LRRC4C: variants seen among roughly 807,000 people sequenced by gnomAD.
LRRC4C encodes the protein leucine-rich repeat-containing protein 4C.
In LRRC4C, 5 loss-of-function variants were observed where a neutral mutation model predicts 33.6. That is an observed-to-expected ratio of 0.15 (90% confidence interval 0.08 to 0.31). LRRC4C has a LOEUF of 0.31. Among genes scored for constraint, LRRC4C ranks in the 10% least tolerant of loss-of-function variants. The pLI is 1.00. For synonymous variants in LRRC4C, 329 were observed against 302.0 expected (o/e 1.09, Z -0.93); for missense variants, 560 against 796.7 (o/e 0.70, Z 3.58).
At chr11:40,776,769 C>A (rs1174102689) in intron 2 of LRRC4C, among the ~76,000 whole-genome samples, 1 of 151,894 alleles carries the variant, frequency 6.6e-6, no homozygotes, top group Non-Finnish European at 1.5e-5. Context: ...CTTTTCCTAG[C>A]TTTGGGGTTA....
intron 2 of LRRC4C, among the ~76,000 whole-genome samples, chr11:40,802,880 G>A (rs1256470955): frequency 6.6e-6 from 1 of 152,188 alleles, no homozygotes. Flanking sequence ...CATCACAGTG[G>A]TTGAAGAAAG....
At chr11:41,278,880 G>A (rs537599931) in intron 1 of LRRC4C, among the ~76,000 whole-genome samples, 56 of 152,196 alleles carry the variant, frequency 3.7e-4, no homozygotes, top group African/African-American at 1.3e-3. Flanking sequence ...TGTTGCATGG[G>A]TAAATTACAT....
intron 4 of LRRC4C, among the ~76,000 whole-genome samples, chr11:40,264,086 A>C (rs1332705269): frequency 6.6e-6 from 1 of 152,210 alleles, no homozygotes; most frequent in Non-Finnish European, 1.5e-5. Context: ...TGTCCTATTT[A>C]ATAACTATGT....
chr11:41,398,318 T>G (rs890309984), intron 1 of LRRC4C, among the ~76,000 whole-genome samples: 2 of 151,964 alleles, frequency 1.3e-5, no homozygotes, highest in African/African-American at 4.8e-5. Context: ...GGTGTGAATG[T>G]AGTACGTACC....
chr11:40,921,482 G>A (rs1355264044), intron 2 of LRRC4C, among the ~76,000 whole-genome samples: 2 of 151,984 alleles, frequency 1.3e-5, no homozygotes, highest in Non-Finnish European at 2.9e-5. Flanking sequence ...CAACTACCAA[G>A]GAAATGAATC....
chr11:41,450,207 A>G (rs528851967), intron 1 of LRRC4C, among the ~76,000 whole-genome samples: 47 of 152,196 alleles, frequency 3.1e-4, no homozygotes, highest in South Asian at 1.5e-3. Flanking sequence ...TGTCCGACAG[A>G]CCATCTGTAC....
Position 40,415,282 on chromosome 11 carries a change from C to G in LRRC4C, c.-269-95561G>C, listed in dbSNP as rs891809778. ...GTGTAGTCACATACAAGCTCATGCTCAGAAGAGCCAATGGCTTGGTTTAAT... is the reference window on the plus strand; with the variant it reads ...GTGTAGTCACATACAAGCTCATGCTGAGAAGAGCCAATGGCTTGGTTTAAT... On this transcript the variant is annotated intron_variant, in intron 3 of 6. Transcript: ENST00000528697. Among the ~76,000 whole-genome samples, 15 of 152,188 alleles carry G rather than the reference C, an allele frequency of 9.9e-5. No homozygotes were observed. In the South Asian group the frequency reaches 2.1e-3, roughly 21 times the overall value.
At chr11:40,288,218 G>A (rs1161978380) in intron 4 of LRRC4C, among the ~76,000 whole-genome samples, 1 of 152,156 alleles carries the variant, frequency 6.6e-6, no homozygotes, top group African/African-American at 2.4e-5. Context: ...AGATGCTAGA[G>A]TCCAAGTTTC....
chr11:40,193,674 G>A (rs1784507440), intron 5 of LRRC4C, among the ~76,000 whole-genome samples: 1 of 152,094 alleles, frequency 6.6e-6, no homozygotes, highest in African/African-American at 2.4e-5. Flanking sequence ...AAAGGAGCAT[G>A]TTCTAACCCA....
chr11:40,595,576 A>G (rs1959218980), intron 3 of LRRC4C, among the ~76,000 whole-genome samples: 1 of 151,986 alleles, frequency 6.6e-6, no homozygotes, highest in African/African-American at 2.4e-5. Flanking sequence ...TTAACTACAT[A>G]AACATTCTTT....
At chr11:40,821,382 A>G (rs1951919391) in intron 2 of LRRC4C, among the ~76,000 whole-genome samples, 1 of 151,708 alleles carries the variant, frequency 6.6e-6, no homozygotes, top group African/African-American at 2.4e-5. Context: ...AGACTATCAG[A>G]TTTCGGAATT....
Position 40,784,208 on chromosome 11 carries a change from T to C in LRRC4C, c.-406-135930A>G, listed in dbSNP as rs969913797. On this transcript the variant is annotated intron_variant, in intron 2 of 6. Transcript: ENST00000528697. The stretch of plus-strand genomic sequence containing the variant: ...TCATGTTTCACTGAGAATTTAGAAA[T>C]GAAGCATCACCTTCAAATTTCATCT... Among the ~76,000 whole-genome samples, 20 of 152,302 alleles carry C rather than the reference T, an allele frequency of 1.3e-4. No homozygotes were observed. The East Asian group carries it at 3.9e-3, about 29-fold the overall frequency.
intron 1 of LRRC4C, among the ~76,000 whole-genome samples, chr11:41,454,747 A>G (rs1356881010): frequency 1.3e-5 from 2 of 152,162 alleles, no homozygotes; most frequent in Non-Finnish European, 1.5e-5. Flanking sequence ...ACAGAAATAC[A>G]GCTTTCAGAA....
intron 3 of LRRC4C, among the ~76,000 whole-genome samples, chr11:40,449,929 G>A (rs1429328675): frequency 6.6e-6 from 1 of 152,142 alleles, no homozygotes; most frequent in Non-Finnish European, 1.5e-5. Flanking sequence ...TGAGGAGTGT[G>A]AAATTTAAGT....
intron 6 of LRRC4C, among the ~76,000 whole-genome samples, chr11:40,132,984 A>C (rs1044651523): frequency 1.3e-5 from 2 of 152,256 alleles, no homozygotes; most frequent in Non-Finnish European, 2.9e-5. Context: ...TGACAAAGCA[A>C]GTAACTAAAG....
intron 2 of LRRC4C, among the ~76,000 whole-genome samples, chr11:40,822,776 T>C (rs543271701): frequency 6.6e-6 from 1 of 151,936 alleles, no homozygotes; most frequent in African/African-American, 2.4e-5. Context: ...TTCCCTAATG[T>C]TGTCTTTTAG....
intron 5 of LRRC4C, among the ~76,000 whole-genome samples, chr11:40,175,231 C>A: frequency 6.6e-6 from 1 of 152,194 alleles, no homozygotes; most frequent in East Asian, 1.9e-4. Context: ...ATGTCACTGA[C>A]TAAATTCATC....
At chr11:40,202,003 C>A (rs1352840720) in intron 5 of LRRC4C, among the ~76,000 whole-genome samples, 3 of 152,032 alleles carry the variant, frequency 2.0e-5, no homozygotes, top group Non-Finnish European at 4.4e-5. Flanking sequence ...GTGTTAGAAT[C>A]ACAAAGATCT....
intron 1 of LRRC4C, among the ~76,000 whole-genome samples, chr11:41,121,932 C>CA (rs5791421): frequency 0.85 from 127,014 of 148,926 alleles, 55,724 homozygotes; most frequent in East Asian, 0.99. Context: ...ATTAGCAGTA[C>CA]AAAAAAAAAA....
Sources: allele counts gnomAD v4.1 joint callset (sites outside exome capture counted in the v4.1 genomes callset), GRCh38; gene constraint gnomAD v4.1.1; transcripts MANE v1.5; gene names NCBI Gene and HGNC (gene_info 2026-07-23, HGNC 2026-07-21).